PTK2B: variants seen among roughly 807,000 people sequenced by gnomAD.
PTK2B encodes the protein protein tyrosine kinase 2 beta.
PTK2B carries 71 observed loss-of-function variants against 142.9 expected under a neutral mutation model. The observed-to-expected ratio is 0.50, with a 90% CI of 0.41 to 0.61. The LOEUF (loss-of-function observed/expected upper bound fraction) is 0.61. PTK2B is among the 20% of genes least tolerant of loss of function. PTK2B has a pLI of 0.00. For missense variants in PTK2B, 1,105 were observed against 1,320.4 expected, an observed-to-expected ratio of 0.84 and a Z score of 2.53; for synonymous variants, 519 against 503.4, an observed-to-expected ratio of 1.03 and a Z score of -0.42.
chr8:27,349,854 C>G (rs1035824934), intron 1 of PTK2B, among the ~76,000 whole-genome samples: 1 of 152,176 alleles, frequency 6.6e-6, no homozygotes, highest in Non-Finnish European at 1.5e-5. Context: ...GCTTGCCCTT[C>G]AAGGGCCACC....
In PTK2B at chr8:27,431,448, C is replaced by T. The variant is rs781359515; in HGVS notation, c.861C>T (p.Arg287=). 6.2e-7 allele frequency: 1 copy of T among 1,614,182 alleles called. No homozygotes were observed. Among genetic ancestry groups the T allele is most frequent in the South Asian group, 1.1e-5 (1 of 91,084 alleles). ...VDLVIGPKGI[R]QLTSQDAKPT... Reference sequence around the variant, plus strand: ...TGGTCATTGGCCCTAAAGGGATCCGCCAGCTGACTAGTCAGGACGCAAAGG... The same window carrying T: ...TGGTCATTGGCCCTAAAGGGATCCGTCAGCTGACTAGTCAGGACGCAAAGG... Residue 287 remains arginine (R), a synonymous_variant, in exon 9 of 31, where the codon CGC becomes CGT. Coordinates refer to ENST00000346049, the MANE Select transcript of PTK2B (RefSeq NM_173176.3).
Position 27,432,740 on chromosome 8 carries a change from G to A in PTK2B, c.987+379G>A, listed in dbSNP as rs1485962426. Among the ~76,000 whole-genome samples the A allele has an allele frequency of 3.4e-5, 5 of 145,620 alleles. No individual in the cohort carries two copies. The East Asian group carries it at 9.8e-4, about 28-fold the overall frequency. ...TTTGTTTGTTTGTTTGTTTTTTACA[G>A]TAAAACACCCAGAGAGACCTCAGGC... On this transcript the variant is annotated intron_variant, in intron 10 of 30. Coordinates refer to ENST00000346049, the MANE Select transcript of PTK2B (RefSeq NM_173176.3).
At position 27,432,308 on chromosome 8, in the gene PTK2B, C is replaced by T. The variant is rs779925728; in HGVS notation, c.934C>T (p.Pro312Ser). 2.5e-6 allele frequency: 4 copies of T among 1,614,084 alleles called. No individual in the cohort carries two copies. The highest frequency in any genetic ancestry group is 3.4e-6 in the Non-Finnish European group (4 of 1,180,036). ...FKQIRSIRCL[P>S]LEEGQAVLQL... The stretch of plus-strand genomic sequence containing the variant: ...GCAGATCAGGTCCATCAGGTGCCTC[C>T]CGCTGGAGGAGGGCCAGGCAGTACT... The change falls in exon 10 of 31, where the codon CCG (proline) becomes TCG (serine). Residue 312 changes from proline (P) to serine (S), a missense_variant. Transcript: ENST00000346049.
At chr8:27,353,471 T>C (rs1805215080) in intron 1 of PTK2B, among the ~76,000 whole-genome samples, 1 of 152,230 alleles carries the variant, frequency 6.6e-6, no homozygotes, top group African/African-American at 2.4e-5. Flanking sequence ...AGGCCCAGCT[T>C]GGCCTAACTA....
Position 27,445,845 on chromosome 8 carries a change from T to C in PTK2B, c.2266T>C (p.Tyr756His). The C allele has an allele frequency of 1.2e-6, 2 of 1,614,032 alleles. No individual in the cohort carries two copies. The highest frequency in any genetic ancestry group is 2.7e-5 in the African/African-American group (2 of 75,032). Residue 756 changes from tyrosine (Y) to histidine (H), a missense_variant, in exon 24 of 31, where the codon TAT (tyrosine) becomes CAT (histidine). Coordinates refer to ENST00000346049, the MANE Select transcript of PTK2B (RefSeq NM_173176.3). Reference sequence around the variant, plus strand: ...TCCTACGCTCACCAGCCCTATGGAGTATCCATCTCCCGTTAACTCACTGCA... The same window carrying C: ...TCCTACGCTCACCAGCCCTATGGAGCATCCATCTCCCGTTAACTCACTGCA... ...SSPTLTSPME[Y>H]PSPVNSLHTP...
At chr8:27,442,212 A>G (rs1811195771) in intron 21 of PTK2B, among the ~76,000 whole-genome samples, 2 of 152,246 alleles carry the variant, frequency 1.3e-5, no homozygotes, top group Non-Finnish European at 2.9e-5. Flanking sequence ...TTTATTATAC[A>G]TAATAAAATA....
At chr8:27,338,552 GA>G (rs759402804) in intron 1 of PTK2B, among the ~76,000 whole-genome samples, 2 of 151,980 alleles carry the variant, frequency 1.3e-5, no homozygotes, top group Non-Finnish European at 1.5e-5. Flanking sequence ...AAGAAAGAAA[GA>G]AAAAATTTTA....
At chr8:27,317,194 C>G (rs1309282328) in intron 3 of PTK2B, among the ~76,000 whole-genome samples, 1 of 152,334 alleles carries the variant, frequency 6.6e-6, no homozygotes, top group African/African-American at 2.4e-5. Context: ...TTCCAGAATA[C>G]TCCCTTGCAT....
intron 2 of PTK2B, among the ~76,000 whole-genome samples, chr8:27,406,194 G>A (rs1808703102): frequency 6.6e-6 from 1 of 152,118 alleles, no homozygotes; most frequent in African/African-American, 2.4e-5. Context: ...TCTCTTTTCT[G>A]TATCTTTTAC....
chr8:27,432,105 A>G, intron 9 of PTK2B, 155 bp from the exon 10 acceptor site: 1 of 617,868 alleles, frequency 1.6e-6, no homozygotes, highest in East Asian at 2.8e-5. Flanking sequence ...CCCCTGAACT[A>G]GAGGATCCTT....
intron 24 of PTK2B, among the ~76,000 whole-genome samples, chr8:27,446,675 T>C (rs140759379): frequency 1.1e-3 from 169 of 152,318 alleles, no homozygotes; most frequent in African/African-American, 3.8e-3. Context: ...AAAACACTTA[T>C]TTTAGCTCTA....
chr8:27,434,736 T>A (rs1810669075), intron 13 of PTK2B, among the ~76,000 whole-genome samples, 177 bp downstream of exon 13: 1 of 152,172 alleles, frequency 6.6e-6, no homozygotes, highest in Non-Finnish European at 1.5e-5. Context: ...GTGCAGTGGC[T>A]CATGCCTGTA....
At position 27,315,244 on chromosome 8, in the gene PTK2B, T is replaced by A. The variant is rs371943529; in HGVS notation, c.-414+1957T>A. Among the ~76,000 whole-genome samples the A allele has an allele frequency of 4.8e-4, 73 of 152,290 alleles. No individual in the cohort carries two copies. In the East Asian group the frequency reaches 0.011, roughly 23 times the overall value. On this transcript the variant is annotated intron_variant, in intron 3 of 35. Transcript: ENST00000397501. Reference sequence around the variant, plus strand: ...TCTAAAAGCAGTTTCCTGGGCCCACTTTAATCTACTCATCTCTCTTGTGGA... The same window carrying A: ...TCTAAAAGCAGTTTCCTGGGCCCACATTAATCTACTCATCTCTCTTGTGGA...
intron 1 of PTK2B, among the ~76,000 whole-genome samples, chr8:27,360,246 C>T (rs10097651): frequency 0.38 from 57,346 of 152,104 alleles, 11,984 homozygotes; most frequent in Non-Finnish European, 0.48. Flanking sequence ...TCTAGGGTGA[C>T]GCATAAAGAG....
intron 26 of PTK2B, 135 bp downstream of exon 26, chr8:27,451,213 G>T: frequency 8.7e-7 from 1 of 1,147,292 alleles, no homozygotes; most frequent in Non-Finnish European, 1.3e-6. Context: ...ATGTTGGGAG[G>T]GTGTCTTTTC....
intron 2 of PTK2B, 125 bp from the exon 3 acceptor site, chr8:27,419,770 A>C: frequency 9.9e-7 from 1 of 1,008,176 alleles, no homozygotes; most frequent in East Asian, 2.6e-5. Context: ...CTAGAGAATC[A>C]GAGACAAATC....
At position 27,335,507 on chromosome 8, in the gene PTK2B, G is replaced by A. The variant is rs534606641; in HGVS notation, c.-38+9826G>A. 1.1e-4 allele frequency among the ~76,000 whole-genome samples: 16 copies of A among 151,598 alleles called. No individual in the cohort carries two copies. The South Asian group carries it at 3.1e-3, about 30-fold the overall frequency. On this transcript the variant is annotated intron_variant, in intron 1 of 30. Coordinates refer to ENST00000346049, the MANE Select transcript of PTK2B (RefSeq NM_173176.3). ...CCAGGGAAGCTGAGGCAGGAGAATG[G>A]CTTGAACCCAGTAGGCGGAGGTTGC...
In PTK2B at chr8:27,459,121, G is replaced by A; in HGVS notation, c.*612G>A. 4.2e-6 allele frequency: 1 copy of A among 239,600 alleles called. No homozygotes were observed. The highest frequency in any genetic ancestry group is 1.6e-4 in the South Asian group (1 of 6,232). 14.8% of individuals were successfully genotyped at this position (239,600 alleles called of 1,614,324 possible). ...CTAATTGGGAGTCCAGGCACAGGAT[G>A]CTGTGTTGTCAACAAACCAAGCATC... On this transcript the variant is annotated 3_prime_UTR_variant, in exon 31 of 31. Coordinates refer to ENST00000346049, the MANE Select transcript of PTK2B (RefSeq NM_173176.3).
chr8:27,345,179 G>T (rs754368521), intron 1 of PTK2B, among the ~76,000 whole-genome samples: 1 of 152,056 alleles, frequency 6.6e-6, no homozygotes, highest in Non-Finnish European at 1.5e-5. Context: ...TTAGGGAGAG[G>T]GTCAGATCAT....
Sources: allele counts gnomAD v4.1 joint callset (sites outside exome capture counted in the v4.1 genomes callset), GRCh38; gene constraint gnomAD v4.1.1; transcripts MANE v1.5; gene names NCBI Gene and HGNC (gene_info 2026-07-23, HGNC 2026-07-21).